Variants in ADHFE1 observed in about 807,000 individuals in gnomAD.
The protein encoded by ADHFE1 is alcohol dehydrogenase iron containing 1.
ADHFE1 carries 37 observed loss-of-function variants against 54.8 expected under a neutral mutation model. The observed-to-expected ratio is 0.68, with a 90% CI of 0.52 to 0.89. The LOEUF is 0.89. Ranked by LOEUF, ADHFE1 falls within the 40% of genes least tolerant of loss-of-function variation. The pLI is 0.00. For missense variants in ADHFE1, 601 were observed against 591.2 expected, an observed-to-expected ratio of 1.02 and a Z score of -0.17; for synonymous variants, 203 against 229.3, an observed-to-expected ratio of 0.89 and a Z score of 1.04.
rs959327825 is a variant in ADHFE1, at chr8:66,452,114, C to T, written c.887+9C>T. 6.2e-7 allele frequency: 1 copy of T among 1,613,428 alleles called. No individual in the cohort carries two copies. Among genetic ancestry groups the T allele is most frequent in the African/African-American group, 1.3e-5 (1 of 74,908 alleles). ...GCTAAGTATCTGAAGAGGTATGTCA[C>T]CCCGAAGGGGATAGAAATAGAACAG... is the stretch of plus-strand genomic sequence containing the variant. On this transcript the variant is annotated intron_variant, in intron 9 of 13. Transcript: ENST00000396623.
rs189044483 is a variant in ADHFE1, at chr8:66,449,243, C to T, written c.734+273C>T. ...GATGCCGCTAAAGGGGCAGTTGGAG[C>T]TGGTGTGCAGCATCTCAGGGGATAA... On this transcript the variant is annotated intron_variant, in intron 8 of 13. Coordinates refer to ENST00000396623, the MANE Select transcript of ADHFE1 (RefSeq NM_144650.3). Among the ~76,000 whole-genome samples the T allele has an allele frequency of 1.8e-3, 279 of 152,016 alleles. 1 individual carries two copies. The highest frequency in any genetic ancestry group is 6.4e-3 in the African/African-American group (267 of 41,452).
At position 66,465,366 on chromosome 8, in the gene ADHFE1, C is replaced by G. The variant is rs75295460; in HGVS notation, c.1321-2903C>G. Reference sequence around the variant, plus strand: ...CACCAGGGCTTCAGTTTCTTCACATCCTCAACAACACTTGTTATTTTTCTT... The same window carrying G: ...CACCAGGGCTTCAGTTTCTTCACATGCTCAACAACACTTGTTATTTTTCTT... On this transcript the variant is annotated intron_variant, in intron 13 of 13. Coordinates refer to ENST00000396623, the MANE Select transcript of ADHFE1 (RefSeq NM_144650.3). Among the ~76,000 whole-genome samples, 850 of 152,302 alleles carry G rather than the reference C, an allele frequency of 5.6e-3. 15 individuals are homozygous for G. The highest frequency in any genetic ancestry group is 0.05 in the East Asian group (261 of 5,174).
At chr8:66,451,652 T>G (rs1806308028) in intron 8 of ADHFE1, among the ~76,000 whole-genome samples, 1 of 152,204 alleles carries the variant, frequency 6.6e-6, no homozygotes, top group South Asian at 2.1e-4. Flanking sequence ...GTTGCTCAAA[T>G]ATATAATTCG....
At chr8:66,451,886 T>C in intron 8 of ADHFE1, 67 bp from the exon 9 acceptor site, 1 of 1,568,602 alleles carries the variant, frequency 6.4e-7, no homozygotes, top group Non-Finnish European at 8.7e-7. Context: ...AGACAGGTTG[T>C]GATCTAAATG....
rs754154209 is a variant in ADHFE1 at position 66,457,148 on chromosome 8, G to A, written c.1144G>A (p.Glu382Lys). 1 of 1,613,400 alleles carries A rather than the reference G, an allele frequency of 6.2e-7. No individual in the cohort carries two copies. The highest frequency in any genetic ancestry group is 1.1e-5 in the South Asian group (1 of 91,006). ...CCAGATGTTTCCAGAGCGACACCTG[G>A]AGATGGCAGAAATACTGGGTATGAA... ...TAQMFPERHL[E>K]MAEILGADTR... The change falls in exon 12 of 14, where the codon GAG becomes AAG. Residue 382 changes from glutamate to lysine, a missense_variant. Transcript: ENST00000396623.
At chr8:66,453,881 T>C (rs1806438570) in intron 9 of ADHFE1, 178 bp from the exon 10 acceptor site, 2 of 1,507,906 alleles carry the variant, frequency 1.3e-6, no homozygotes, top group Non-Finnish European at 8.9e-7. Context: ...ATGAGAAATA[T>C]GTTTCCCTTC....
chr8:66,440,023 T>C lies in ADHFE1; in HGVS notation c.60-139T>C, dbSNP rs1586439077. 4 of 854,188 alleles carry C rather than the reference T, an allele frequency of 4.7e-6. No homozygotes were observed. In the East Asian group the frequency reaches 9.8e-5, roughly 21 times the overall value. 52.9% of individuals were successfully genotyped at this position (854,188 alleles called of 1,614,324 possible). On this transcript the variant is annotated intron_variant, in intron 1 of 13. Transcript: ENST00000396623. ...TCTGGGTCTATATATATTTTTTCTA[T>C]TGTACAGTGTCTGCCAAGAACTACC... is the stretch of plus-strand genomic sequence containing the variant.
intron 10 of ADHFE1, 107 bp from the exon 11 acceptor site, chr8:66,456,710 G>A (rs1806605055): frequency 5.3e-6 from 4 of 751,832 alleles, no homozygotes; most frequent in Non-Finnish European, 8.9e-6. Flanking sequence ...TTCAGGTAAT[G>A]ATACTGTCTA....
rs766846857 is a variant in ADHFE1 at position 66,452,095 on chromosome 8, T to A, written c.877T>A (p.Tyr293Asn). The A allele has an allele frequency of 1.2e-6, 2 of 1,614,094 alleles. No individual in the cohort carries two copies. The highest frequency in any genetic ancestry group is 2.2e-5 in the South Asian group (2 of 91,080). The change falls in exon 9 of 14, where the codon TAT becomes AAT. Residue 293 changes from tyrosine (Y) to asparagine (N), a missense_variant. By Grantham distance (143) the Tyr-to-Asn change is moderately radical. Coordinates refer to ENST00000396623, the MANE Select transcript of ADHFE1 (RefSeq NM_144650.3). The part of the protein sequence containing the change: ...AIHALRIVAK[Y>N]LKRAVRNPDD... ...CCACGCGCTGCGGATCGTGGCTAAG[T>A]ATCTGAAGAGGTATGTCACCCCGAA...
At chr8:66,437,468 T>G (rs540818999) in intron 1 of ADHFE1, among the ~76,000 whole-genome samples, 1 of 152,268 alleles carries the variant, frequency 6.6e-6, no homozygotes, top group Admixed American at 6.5e-5. Context: ...CTCACTCTGC[T>G]TCTCTGAAGG....
intron 9 of ADHFE1, among the ~76,000 whole-genome samples, chr8:66,453,547 C>T (rs1034309549): frequency 6.6e-6 from 1 of 152,184 alleles, no homozygotes; most frequent in East Asian, 1.9e-4. Flanking sequence ...AAGGCTCATT[C>T]GACAATAACA....
In ADHFE1 at chr8:66,460,399, T is replaced by C. The variant is rs1308672484; in HGVS notation, c.1254T>C (p.Asp418=). ...RKFLFDLDVD[D]GLAAVGYSKA... is the part of the protein sequence containing the mutation. ...TCTTATTCGATCTGGATGTTGATGA[T>C]GGCCTAGCAGCTGTTGGTTACTCCA... Residue 418 remains aspartate, a synonymous_variant, in exon 13 of 14, where the codon GAT becomes GAC. Coordinates refer to ENST00000396623, the MANE Select transcript of ADHFE1 (RefSeq NM_144650.3). The C allele has an allele frequency of 6.2e-7, 1 of 1,613,934 alleles. No homozygotes were observed. The highest frequency in any genetic ancestry group is 1.1e-5 in the South Asian group (1 of 91,058).
chr8:66,460,178 C>T (rs956418683), intron 12 of ADHFE1, 130 bp from the exon 13 acceptor site: 1 of 1,205,008 alleles, frequency 8.3e-7, no homozygotes, highest in African/African-American at 1.5e-5. Context: ...GGGAGGCACA[C>T]GATGGCCCCG....
chr8:66,440,293 C>A, intron 2 of ADHFE1, 94 bp downstream of exon 2: 1 of 1,145,166 alleles, frequency 8.7e-7, no homozygotes, highest in African/African-American at 1.6e-5. Flanking sequence ...AAAACCAAGG[C>A]ATGTGAGAGC....
intron 1 of ADHFE1, among the ~76,000 whole-genome samples, chr8:66,436,814 CATGAAAAGCA>C (rs2058160488): frequency 6.6e-6 from 1 of 152,114 alleles, no homozygotes; most frequent in South Asian, 2.1e-4. Context: ...GAGTCAAAAT[CATGAAAAGCA>C]ATGAAAAGAA....
At chr8:66,448,814 T>C (rs2130408865) in intron 7 of ADHFE1, 51 bp from the exon 8 acceptor site, 2 of 1,475,104 alleles carry the variant, frequency 1.4e-6, no homozygotes, top group Non-Finnish European at 1.9e-6. Context: ...ATTTTTCTTC[T>C]TAAAATGATG....
At chr8:66,434,791 C>T (rs1275657387) in intron 1 of ADHFE1, among the ~76,000 whole-genome samples, 1 of 152,328 alleles carries the variant, frequency 6.6e-6, no homozygotes, top group East Asian at 1.9e-4. Context: ...TGTGGGAAGG[C>T]CCTGGAGGGC....
intron 13 of ADHFE1, among the ~76,000 whole-genome samples, chr8:66,464,281 A>T (rs193202876): frequency 6.6e-6 from 1 of 152,316 alleles, no homozygotes; most frequent in African/African-American, 2.4e-5. Context: ...CACAAACTTT[A>T]TGTCCTTGTC....
At chr8:66,455,140 A>T (rs1806510433) in intron 10 of ADHFE1, among the ~76,000 whole-genome samples, 1 of 152,108 alleles carries the variant, frequency 6.6e-6, no homozygotes, top group Admixed American at 6.5e-5. Flanking sequence ...TTCTCTTGTT[A>T]TATAGGTAGG....
Sources: gnomAD v4.1 joint callset for allele counts (sites outside exome capture counted in the v4.1 genomes callset) on GRCh38, gnomAD v4.1.1 for gene constraint, MANE v1.5 for transcripts, NCBI Gene and HGNC (gene_info 2026-07-23, HGNC 2026-07-21) for gene names.